Variants in GPR22 observed in about 807,000 individuals in gnomAD.
GPR22 encodes G-protein coupled receptor 22.
GPR22 carries 13 observed loss-of-function variants against 31.0 expected under a neutral mutation model. That is an observed-to-expected ratio of 0.42 (90% CI 0.27 to 0.67). The LOEUF (loss-of-function observed/expected upper bound fraction) is 0.67. Ranked by LOEUF, GPR22 falls within the 30% of genes least tolerant of loss-of-function variation. GPR22 has a pLI of 0.25. For synonymous variants in GPR22, 191 were observed against 173.4 expected (o/e 1.10, Z -0.80); for missense variants, 368 against 509.6 (o/e 0.72, Z 2.67).
At chr7:107,476,951 A>C (rs1017752903), downstream of GPR22, among the ~76,000 whole-genome samples, 1 of 151,690 alleles carries the variant, frequency 6.6e-6, no homozygotes, top group Non-Finnish European at 1.5e-5. Context: ...TTAAATAGTA[A>C]TTTACTTCTG....
chr7:107,475,803 T>A (rs1051401411), downstream of GPR22: 1 of 166,418 alleles, frequency 6.0e-6, no homozygotes, highest in Non-Finnish European at 1.4e-5. Flanking sequence ...AATTATGGGC[T>A]CAAAACAATC....
chr7:107,476,417 C>G (rs372757674), downstream of GPR22, among the ~76,000 whole-genome samples: 55 of 151,414 alleles, frequency 3.6e-4, 1 homozygote, highest in African/African-American at 1.2e-3. Context: ...AATCATAGCT[C>G]CCAAGTAATT....
rs1417817242 is a variant in GPR22, at chr7:107,475,213, C to T, written c.1153C>T (p.Arg385Ter). The change falls in exon 3 of 3, where the codon CGA (arginine) becomes TGA (stop). Residue 385 changes from arginine to a stop codon, truncating the protein, a stop_gained. Transcript: ENST00000304402. LOFTEE classifies it high-confidence loss of function. Reference protein sequence around the residue: ...QKVLKSKMKKRVVSIVEADPL... With the variant: ...QKVLKSKMKK The stretch of plus-strand genomic sequence containing the variant: ...GGTCTTGAAAAGTAAAATGAAAAAG[C>T]GAGTTGTTTCTATAGTAGAAGCTGA... The T allele has an allele frequency of 6.2e-7, 1 of 1,611,114 alleles. No homozygotes were observed. The highest frequency in any genetic ancestry group is 8.5e-7 in the Non-Finnish European group (1 of 1,177,850).
chr7:107,477,503 A>G (rs114537966), downstream of GPR22, among the ~76,000 whole-genome samples: 841 of 151,856 alleles, frequency 5.5e-3, 8 homozygotes, highest in African/African-American at 0.02. Context: ...TAAGAAATAA[A>G]TGGTAAATAT....
At chr7:107,473,057 T>C (rs1796734175) in intron 2 of GPR22, 1 of 151,662 alleles carries the variant, frequency 6.6e-6, no homozygotes, top group Non-Finnish European at 1.5e-5. Context: ...AGACAATGGG[T>C]GATATATACA....
chr7:107,475,359 C>T lies in GPR22; in HGVS notation c.1299C>T (p.Asp433=). Reference sequence around the variant, plus strand: ...GTTTAGTGCCTCAGGTTGTCACAGACTAGAGAAAAGTCTCAGTTTCACCAA... The same window carrying T: ...GTTTAGTGCCTCAGGTTGTCACAGATTAGAGAAAAGTCTCAGTTTCACCAA... ...EKCLVPQVVT[D] Residue 433 remains aspartate, a synonymous_variant, in exon 3 of 3, where the codon GAC becomes GAT. Transcript: ENST00000304402. 5.6e-6 allele frequency: 8 copies of T among 1,433,810 alleles called. No homozygotes were observed. Among genetic ancestry groups the T allele is most frequent in the Non-Finnish European group, 7.5e-6 (8 of 1,063,988 alleles). The allele number at this position is 1,433,810 out of a possible 1,614,324, so 88.8% of individuals were successfully genotyped here.
chr7:107,474,086 TC>T lies in GPR22; in HGVS notation c.27del (p.Asn10ThrfsTer29), dbSNP rs1194053366. The stretch of plus-strand genomic sequence containing the variant: ...ATGTGTTTTTCTCCCATTCTGGAAA[TC>T]AACATGCAGTCTGAATCTAACATTA... Reference protein sequence around the residue: MCFSPILEINMQSESNITV... With the variant: MCFSPILEXNMQSESNITV... On this transcript the variant is annotated frameshift_variant, in exon 3 of 3. Transcript: ENST00000304402. LOFTEE classifies it high-confidence loss of function. This position sits in a 1 kb window ranked among gnomAD's most constrained non-coding sequence, Gnocchi z 5.7. 1 of 1,574,492 alleles carries T rather than the reference TC, an allele frequency of 6.4e-7. No homozygotes were observed. The highest frequency in any genetic ancestry group is 8.6e-7 in the Non-Finnish European group (1 of 1,158,354).
At chr7:107,470,914 G>GT (rs1796595103) in intron 1 of GPR22, among the ~76,000 whole-genome samples, 1 of 151,764 alleles carries the variant, frequency 6.6e-6, no homozygotes, top group Non-Finnish European at 1.5e-5. Flanking sequence ...GAAATTTATA[G>GT]TATCTTATGA....
intron 1 of GPR22, among the ~76,000 whole-genome samples, chr7:107,470,779 T>C (rs1281272967): frequency 6.6e-6 from 1 of 152,126 alleles, no homozygotes; most frequent in East Asian, 1.9e-4. Flanking sequence ...AGGTTTACTA[T>C]TTTGCTGTTA....
chr7:107,474,480 A>G lies in GPR22; in HGVS notation c.420A>G (p.Arg140=). 1.9e-6 allele frequency: 3 copies of G among 1,613,370 alleles called. No individual in the cohort carries two copies. Among genetic ancestry groups the G allele is most frequent in the Non-Finnish European group, 2.5e-6 (3 of 1,179,566 alleles). ...AINVFAITLD[R]YDISVKPANR... ...ACGTTTTTGCTATCACTTTGGACAGATATGACATCTCTGTAAAACCTGCAA... is the reference window on the plus strand; with the variant it reads ...ACGTTTTTGCTATCACTTTGGACAGGTATGACATCTCTGTAAAACCTGCAA... Residue 140 remains arginine (R), a synonymous_variant, in exon 3 of 3, where the codon AGA becomes AGG. Coordinates refer to ENST00000304402, the MANE Select transcript of GPR22 (RefSeq NM_005295.3). This position sits in a 1 kb window ranked among gnomAD's most constrained non-coding sequence, Gnocchi z 5.7.
At chr7:107,473,915 T>C in intron 2 of GPR22, 120 bp from the exon 3 acceptor site, 4 of 518,008 alleles carry the variant, frequency 7.7e-6, no homozygotes, top group Non-Finnish European at 1.4e-5. Context: ...CTATTAATAG[T>C]TTACAAACTT....
rs747733578 is a variant in GPR22, at chr7:107,475,174, C to A, written c.1114C>A (p.Gln372Lys). 1.2e-6 allele frequency: 2 copies of A among 1,609,972 alleles called. No individual in the cohort carries two copies. Among genetic ancestry groups the A allele is most frequent in the Admixed American group, 3.4e-5 (2 of 59,498 alleles). Reference protein sequence around the residue: ...FHPLLYAFTRQKFQKVLKSKM... With the variant: ...FHPLLYAFTRKKFQKVLKSKM... ...CCCTCTATTATATGCATTCACTAGACAAAAATTTCAAAAGGTCTTGAAAAG... is the reference window on the plus strand; with the variant it reads ...CCCTCTATTATATGCATTCACTAGAAAAAAATTTCAAAAGGTCTTGAAAAG... The change falls in exon 3 of 3, where the codon CAA becomes AAA. Residue 372 changes from glutamine (Q) to lysine (K), a missense_variant. Gln to Lys is a moderately conservative substitution (Grantham distance 53, BLOSUM62 1). Coordinates refer to ENST00000304402, the MANE Select transcript of GPR22 (RefSeq NM_005295.3).
Position 107,474,831 on chromosome 7 carries a change from A to G in GPR22, c.771A>G (p.Lys257=). 4 of 1,613,260 alleles carry G rather than the reference A, an allele frequency of 2.5e-6. No individual in the cohort carries two copies. Among genetic ancestry groups the G allele is most frequent in the Non-Finnish European group, 3.4e-6 (4 of 1,179,610 alleles). ...STGQKKKARK[K]KTISLTTQHE... is the part of the protein sequence containing the mutation. The stretch of plus-strand genomic sequence containing the variant: ...GGCAGAAGAAGAAAGCAAGAAAGAA[A>G]AAGACAATTTCTCTAACCACACAAC... Residue 257 remains lysine (K), a synonymous_variant, in exon 3 of 3, where the codon AAA becomes AAG. Transcript: ENST00000304402. The surrounding 1 kb of genome is among the most constrained non-coding windows in gnomAD (Gnocchi z 5.7).
chr7:107,477,013 G>A (rs1208910542), downstream of GPR22, among the ~76,000 whole-genome samples: 6 of 151,402 alleles, frequency 4.0e-5, no homozygotes, highest in African/African-American at 1.5e-4. Flanking sequence ...ATTTCCTTCT[G>A]TCTTATTTTC....
chr7:107,470,156 G>A lies in GPR22; in HGVS notation c.-1247G>A, dbSNP rs1796548621. 1 of 152,168 alleles carries A rather than the reference G, an allele frequency of 6.6e-6. No individual in the cohort carries two copies. The highest frequency in any genetic ancestry group is 6.5e-5 in the Admixed American group (1 of 15,268). 9.4% of individuals were successfully genotyped at this position (152,168 alleles called of 1,614,324 possible). ...TAAATGTTGTCTCTGGAGACAAGAA[G>A]CCTTCAGTATGTTAAATTACTTTCA... On this transcript the variant is annotated 5_prime_UTR_variant, in exon 1 of 3. Transcript: ENST00000304402.
At position 107,472,125 on chromosome 7, in the gene GPR22, A is replaced by G. The variant is rs746686355; in HGVS notation, c.-204A>G. 1 of 152,036 alleles carries G rather than the reference A, an allele frequency of 6.6e-6. No individual in the cohort carries two copies. Among genetic ancestry groups the G allele is most frequent in the Admixed American group, 6.6e-5 (1 of 15,220 alleles). The allele number at this position is 152,036 out of a possible 1,614,324, so 9.4% of individuals were successfully genotyped here. A position where few individuals can be genotyped will look rare whatever the true frequency, so the allele number is the denominator to read the frequency against. ...AGGGAAACATAATTCCTATCATCTG[A>G]GGAAATTCCTCTTGGCCGTGACTTT... On this transcript the variant is annotated 5_prime_UTR_variant, in exon 2 of 3. An upstream open reading frame in the 5' UTR loses its in-frame stop. Transcript: ENST00000304402.
rs1796866237 is a variant in GPR22 at position 107,474,758 on chromosome 7, A to G, written c.698A>G (p.Lys233Arg). 2.5e-6 allele frequency: 4 copies of G among 1,611,044 alleles called. No individual in the cohort carries two copies. In the African/African-American group the frequency reaches 5.3e-5, roughly 22 times the overall value. The change falls in exon 3 of 3, where the codon AAA becomes AGA. Residue 233 changes from lysine (K) to arginine (R), a missense_variant. By Grantham distance (26) the Lys-to-Arg change is conservative (BLOSUM62 2). Coordinates refer to ENST00000304402, the MANE Select transcript of GPR22 (RefSeq NM_005295.3). This position sits in a 1 kb window ranked among gnomAD's most constrained non-coding sequence, Gnocchi z 5.7. ...TVVVMLITYT[K>R]ILQALNIRIG... ...GTAGTAATGTTAATCACATACACCA[A>G]AATACTTCAGGCTCTTAATATTCGA...
chr7:107,471,887 T>C lies in GPR22; in HGVS notation c.-442T>C, dbSNP rs1796655284. The C allele has an allele frequency of 6.6e-6, 1 of 151,974 alleles. No homozygotes were observed. Among genetic ancestry groups the C allele is most frequent in the Admixed American group, 6.6e-5 (1 of 15,220 alleles). 9.4% of individuals were successfully genotyped at this position (151,974 alleles called of 1,614,324 possible). ...CAAACAAAATTAAACAGCAGATGGT[T>C]TTTATCAAAAGGACATGGCCTGGAT... is the stretch of plus-strand genomic sequence containing the variant. On this transcript the variant is annotated 5_prime_UTR_variant, in exon 2 of 3. Coordinates refer to ENST00000304402, the MANE Select transcript of GPR22 (RefSeq NM_005295.3).
rs1323733187 is a variant in GPR22 at position 107,475,412 on chromosome 7, A to C, written c.*50A>C. On this transcript the variant is annotated 3_prime_UTR_variant, in exon 3 of 3. Coordinates refer to ENST00000304402, the MANE Select transcript of GPR22 (RefSeq NM_005295.3). ...CCACATTCAAATGAGTTTTAAATTT[A>C]AATTGTAAAAACTGATATTACTGCC... 4.6e-6 allele frequency: 4 copies of C among 876,352 alleles called. No homozygotes were observed. The African/African-American group carries it at 6.8e-5, about 15-fold the overall frequency. 54.3% of individuals were successfully genotyped at this position (876,352 alleles called of 1,614,324 possible). A position where few individuals can be genotyped will look rare whatever the true frequency, so the allele number is the denominator to read the frequency against.
Sources: gnomAD v4.1 joint callset for allele counts (sites outside exome capture counted in the v4.1 genomes callset) on GRCh38, gnomAD v4.1.1 for gene constraint, Gnocchi (gnomAD v3.1) non-coding constraint, MANE v1.5 for transcripts, NCBI Gene and HGNC (gene_info 2026-07-23, HGNC 2026-07-21) for gene names.